Variants in PRH1 observed in about 807,000 individuals in gnomAD.
PRH1 encodes the protein proline rich protein HaeIII subfamily 1.
PRH1 carries 7 observed loss-of-function variants against 7.9 expected under a neutral mutation model. The ratio of observed to expected loss-of-function variants is 0.89; its 90% confidence interval spans 0.50 to 1.67. PRH1 has a LOEUF of 1.67. Among genes scored for constraint, PRH1 ranks in the 40% most tolerant of loss-of-function variants. The pLI, the probability that PRH1 is intolerant of heterozygous loss-of-function variation, is 0.00. For synonymous variants in PRH1, 45 were observed against 80.8 expected, an observed-to-expected ratio of 0.56 and a Z score of 2.38; for missense variants, 109 against 223.6, an observed-to-expected ratio of 0.49 and a Z score of 3.27.
chr12:11,071,380 T>C (rs1365355699), intron 1 of PRH1, among the ~76,000 whole-genome samples: 1 of 152,152 alleles, frequency 6.6e-6, no homozygotes, highest in South Asian at 2.1e-4. Context: ...TAGGGAAAAT[T>C]ATAAAATAAA....
At chr12:11,144,075 G>C (rs1946794536) in intron 1 of PRH1, among the ~76,000 whole-genome samples, 1 of 152,158 alleles carries the variant, frequency 6.6e-6, no homozygotes, top group African/African-American at 2.4e-5. Context: ...CCTCCTACCA[G>C]GAGGTGGTGC....
At chr12:10,934,384 A>T (rs912525991) in intron 2 of PRH1, among the ~76,000 whole-genome samples, 1 of 152,130 alleles carries the variant, frequency 6.6e-6, no homozygotes, top group Non-Finnish European at 1.5e-5. Flanking sequence ...GGATTCGAAG[A>T]TCTCTTTCAC....
intron 1 of PRH1, among the ~76,000 whole-genome samples, chr12:11,026,443 G>C (rs1941921350): frequency 1.0e-5 from 1 of 97,410 alleles, no homozygotes. Flanking sequence ...AATTGAAATA[G>C]ATATGTATGG....
At chr12:10,891,314 C>T (rs1184324452) in intron 2 of PRH1, 1 of 152,140 alleles carries the variant, frequency 6.6e-6, no homozygotes, top group Admixed American at 6.5e-5. Context: ...AGGCCTGTAA[C>T]AACTTTGGGA....
In PRH1 at chr12:11,094,320, A is replaced by C. The variant is rs1945023022; in HGVS notation, n.124-47132T>G. On this transcript the variant is annotated intron_variant and non_coding_transcript_variant, in intron 1 of 4. Coordinates refer to the PRH1 transcript ENST00000541977. ...CTGTCAAAAAAAAAAAAAAAAAAAA[A>C]AAAAACCCGACGTCAAACGACATGT... is the stretch of plus-strand genomic sequence containing the variant. Among the ~76,000 whole-genome samples, 2 of 109,678 alleles carry C rather than the reference A, an allele frequency of 1.8e-5. 1 individual carries two copies. 72.0% of individuals were successfully genotyped at this position (109,678 alleles called of 152,430 possible). A position where few individuals can be genotyped will look rare whatever the true frequency, so the allele number is the denominator to read the frequency against.
rs763645850 is a variant in PRH1, at chr12:10,908,964, G to A, written c.-58-24689C>T. 36 of 1,613,382 alleles carry A rather than the reference G, an allele frequency of 2.2e-5. No homozygotes were observed. The highest frequency in any genetic ancestry group is 1.3e-4 in the Admixed American group (8 of 59,926). ...GAGAAAAGCAGGGCTAGAGAAACTC[G>A]CTATTTTGAGCAAATAAAAGATGCT... On this transcript the variant is annotated intron_variant, in intron 2 of 3. Coordinates refer to the PRH1 transcript ENST00000539853.
At chr12:10,948,194 T>A (rs1021903277) in intron 2 of PRH1, among the ~76,000 whole-genome samples, 2 of 152,174 alleles carry the variant, frequency 1.3e-5, no homozygotes, top group Admixed American at 6.5e-5. Flanking sequence ...TGGGAAAGAG[T>A]TCATGAATGA....
chr12:11,112,387 C>T (rs569788435), intron 1 of PRH1, among the ~76,000 whole-genome samples: 32 of 152,172 alleles, frequency 2.1e-4, no homozygotes, highest in African/African-American at 7.5e-4. Context: ...TGATGAACAT[C>T]GATGCGAAAA....
intron 1 of PRH1, among the ~76,000 whole-genome samples, chr12:11,105,304 C>T (rs932333092): frequency 3.3e-5 from 5 of 152,164 alleles, no homozygotes; most frequent in Admixed American, 3.3e-4. Flanking sequence ...GTAAATTTAT[C>T]ATGTCTGAAT....
chr12:10,907,558 C>G (rs913677967), intron 2 of PRH1, among the ~76,000 whole-genome samples: 4 of 151,672 alleles, frequency 2.6e-5, no homozygotes, highest in Admixed American at 6.6e-5. Flanking sequence ...ATATCTATAT[C>G]TATAGATATA....
chr12:11,168,295 A>AGGAAG lies in PRH1; in HGVS notation n.39+3126_39+3127insCTTCC, dbSNP rs1313633028. Among the ~76,000 whole-genome samples the AGGAAG allele has an allele frequency of 1.8e-4, 4 of 22,652 alleles. 2 individuals are homozygous for AGGAAG. Among genetic ancestry groups the AGGAAG allele is most frequent in the African/African-American group, 1.1e-3 (4 of 3,554 alleles). 14.9% of individuals were successfully genotyped at this position (22,652 alleles called of 152,430 possible). A position where few individuals can be genotyped will look rare whatever the true frequency, so the allele number is the denominator to read the frequency against. ...AAGAAAGAAAGAAAGAAAGAAAGAA[A>AGGAAG]GAAAGAAGGAAGGAAGGAAGGAAGG... On this transcript the variant is annotated intron_variant and non_coding_transcript_variant, in intron 1 of 1. Coordinates refer to the PRH1 transcript ENST00000541175.
Position 10,952,538 on chromosome 12 carries a change from C to CTTGA in PRH1, c.-59+21116_-59+21117insTCAA, listed in dbSNP as rs1937737500. On this transcript the variant is annotated intron_variant, in intron 2 of 3. Coordinates refer to the PRH1 transcript ENST00000539853. ...CATTTCAAAGTTTACTGCAAGTTTA[C>CTTGA]TGGACTAAATCAAGACACTGTGGTA... Among the ~76,000 whole-genome samples, 3 of 152,212 alleles carry CTTGA rather than the reference C, an allele frequency of 2.0e-5. No individual in the cohort carries two copies. The South Asian group carries it at 6.2e-4, about 32-fold the overall frequency.
intron 2 of PRH1, among the ~76,000 whole-genome samples, chr12:10,922,849 T>G: frequency 7.7e-6 from 1 of 129,908 alleles, no homozygotes; most frequent in Non-Finnish European, 1.6e-5. Context: ...TGAGACGGAG[T>G]CTCGCTCTGT....
chr12:10,929,652 G>T (rs183606295), intron 2 of PRH1, among the ~76,000 whole-genome samples: 1 of 152,314 alleles, frequency 6.6e-6, no homozygotes, highest in East Asian at 1.9e-4. Flanking sequence ...CAGCTGTGAA[G>T]ATCCTATACT....
intron 2 of PRH1, among the ~76,000 whole-genome samples, chr12:10,947,324 T>A (rs1377419929): frequency 1.3e-5 from 2 of 152,188 alleles, no homozygotes; most frequent in African/African-American, 4.8e-5. Context: ...TGGGTGCATA[T>A]CTATTTGGGA....
At chr12:10,957,700 A>T (rs1323651039) in intron 2 of PRH1, among the ~76,000 whole-genome samples, 1 of 152,192 alleles carries the variant, frequency 6.6e-6, no homozygotes, top group Admixed American at 6.5e-5. Flanking sequence ...GGAACATATA[A>T]GGAATTTACA....
rs142395654 is a variant in PRH1, at chr12:10,976,224, C to T, written c.-125-2503G>A. On this transcript the variant is annotated intron_variant, in intron 1 of 3. Coordinates refer to the PRH1 transcript ENST00000539853. ...CAACAAAAAATATACCAGTCACGTT[C>T]TTGGACCACAGCCCTATAAAAATGT... Among the ~76,000 whole-genome samples the T allele has an allele frequency of 5.6e-3, 849 of 152,232 alleles. 7 individuals are homozygous for T. Among genetic ancestry groups the T allele is most frequent in the African/African-American group, 0.02 (815 of 41,532 alleles).
Position 10,899,346 on chromosome 12 carries a change from C to T in PRH1, c.-58-15071G>A, listed in dbSNP as rs190579802. Reference sequence around the variant, plus strand: ...AAGTCAGAATGCTATGGTTTGTACACGGTTTGTTTGTCCCCATCAGAACTC... The same window carrying T: ...AAGTCAGAATGCTATGGTTTGTACATGGTTTGTTTGTCCCCATCAGAACTC... On this transcript the variant is annotated intron_variant, in intron 2 of 3. Transcript: ENST00000539853. Among the ~76,000 whole-genome samples the T allele has an allele frequency of 5.3e-5, 8 of 152,162 alleles. No individual in the cohort carries two copies. In the East Asian group the frequency reaches 9.6e-4, roughly 18 times the overall value.
At chr12:10,979,466 G>C (rs1170819250) in intron 1 of PRH1, among the ~76,000 whole-genome samples, 5 of 152,130 alleles carry the variant, frequency 3.3e-5, no homozygotes. Flanking sequence ...AATGTTGCTA[G>C]CATGGGATGA....
Sources: gnomAD v4.1 joint callset for allele counts (sites outside exome capture counted in the v4.1 genomes callset) on GRCh38, gnomAD v4.1.1 for gene constraint, MANE v1.5 for transcripts, NCBI Gene and HGNC (gene_info 2026-07-23, HGNC 2026-07-21) for gene names.